Variants in ZRANB3 observed in about 807,000 individuals in gnomAD.
The protein encoded by ZRANB3 is DNA annealing helicase and endonuclease ZRANB3.
Under a neutral mutation model 133.8 loss-of-function variants are expected in ZRANB3, and 125 were observed. The observed-to-expected ratio is 0.93, with a 90% CI of 0.81 to 1.08. The LOEUF (loss-of-function observed/expected upper bound fraction) is 1.08, where lower values mean the gene tolerates loss of function less well. ZRANB3 is among the 50% of genes least tolerant of loss of function. The pLI is 0.00. For synonymous variants in ZRANB3, 387 were observed against 432.7 expected (o/e 0.89, Z 1.31); for missense variants, 1,229 against 1,275.5 (o/e 0.96, Z 0.56).
rs144505977 is a variant in ZRANB3, at chr2:135,244,608, A to AAAATAAAT, written c.1540-13689_1540-13682dup. Among the ~76,000 whole-genome samples, 1,224 of 150,978 alleles carry AAAATAAAT rather than the reference A, an allele frequency of 8.1e-3. 5 individuals are homozygous for AAAATAAAT. Among genetic ancestry groups the AAAATAAAT allele is most frequent in the African/African-American group, 0.016 (639 of 40,804 alleles). ...GGGTGACAGAGCATACTCCATCTCA[A>AAAATAAAT]AAATAAATAAATAAATAAATAAATA... On this transcript the variant is annotated intron_variant, in intron 12 of 20. Coordinates refer to ENST00000264159, the MANE Select transcript of ZRANB3 (RefSeq NM_032143.4).
chr2:135,478,386 C>G (rs1012452228), intron 2 of ZRANB3, among the ~76,000 whole-genome samples: 1 of 151,904 alleles, frequency 6.6e-6, no homozygotes, highest in Admixed American at 6.6e-5. Context: ...TTATCAGCAC[C>G]CCCCCGAAGC....
chr2:135,231,986 G>C (rs1348610319), intron 12 of ZRANB3, among the ~76,000 whole-genome samples: 6 of 152,164 alleles, frequency 3.9e-5, no homozygotes, highest in African/African-American at 1.2e-4. Context: ...GCTGAAGCAG[G>C]GCGAGGCATC....
At chr2:135,490,165 T>A (rs1215992339) in intron 2 of ZRANB3, among the ~76,000 whole-genome samples, 1 of 152,140 alleles carries the variant, frequency 6.6e-6, no homozygotes, top group Non-Finnish European at 1.5e-5. Context: ...GGAAATAAAG[T>A]GGGCCTGAGG....
chr2:135,253,183 C>T (rs1289283941), intron 12 of ZRANB3, among the ~76,000 whole-genome samples: 2 of 152,222 alleles, frequency 1.3e-5, no homozygotes, highest in Non-Finnish European at 2.9e-5. Flanking sequence ...CAAAAGTAGA[C>T]TTCCTAACTT....
At chr2:135,317,326 A>G (rs946927945) in intron 6 of ZRANB3, among the ~76,000 whole-genome samples, 1 of 152,180 alleles carries the variant, frequency 6.6e-6, no homozygotes, top group East Asian at 1.9e-4. Context: ...ACACTTAGGT[A>G]TACTTTGATC....
chr2:135,474,550 C>T (rs766276203), intron 2 of ZRANB3, among the ~76,000 whole-genome samples: 5 of 152,098 alleles, frequency 3.3e-5, no homozygotes, highest in Non-Finnish European at 7.4e-5. Flanking sequence ...CTCTCTTGCT[C>T]CCTCTCTCAC....
chr2:135,335,147 C>T (rs1012921951), intron 6 of ZRANB3, among the ~76,000 whole-genome samples: 10 of 152,026 alleles, frequency 6.6e-5, no homozygotes, highest in African/African-American at 1.9e-4. Flanking sequence ...TCTATAAATA[C>T]TTTTAATTTG....
At chr2:135,530,584 C>A (rs1277535501) in intron 1 of ZRANB3, 1 of 152,274 alleles carries the variant, frequency 6.6e-6, no homozygotes, top group Non-Finnish European at 1.5e-5. Context: ...GTGTCCGCCC[C>A]TAAGCGGAAG....
intron 2 of ZRANB3, chr2:135,504,056 G>C: frequency 4.7e-6 from 2 of 425,054 alleles, no homozygotes; most frequent in Non-Finnish European, 4.4e-6. Flanking sequence ...ATACATTCTA[G>C]AAAACTGTCA....
intron 2 of ZRANB3, among the ~76,000 whole-genome samples, chr2:135,412,644 G>A (rs1207251513): frequency 6.6e-6 from 1 of 151,948 alleles, no homozygotes; most frequent in East Asian, 1.9e-4. Context: ...GCTAATGTGT[G>A]AAATAATGGC....
intron 2 of ZRANB3, among the ~76,000 whole-genome samples, chr2:135,460,856 A>G (rs1034930237): frequency 1.2e-4 from 19 of 152,288 alleles, no homozygotes; most frequent in African/African-American, 4.6e-4. Flanking sequence ...ATAAATCATA[A>G]TACAAACTAT....
intron 17 of ZRANB3, among the ~76,000 whole-genome samples, chr2:135,217,194 T>C (rs145119137): frequency 2.2e-4 from 33 of 152,278 alleles, no homozygotes; most frequent in Admixed American, 1.2e-3. Flanking sequence ...AGGTCATAGG[T>C]TGCACCATCC....
rs555749988 is a variant in ZRANB3 at position 135,472,755 on chromosome 2, T to C, written c.161+31574A>G. On this transcript the variant is annotated intron_variant, in intron 2 of 20. Transcript: ENST00000264159. Reference sequence around the variant, plus strand: ...ATCAGCCACCTCTGTTATTGGCTTATAAGTCTTATACCTCAGACAAATTAC... The same window carrying C: ...ATCAGCCACCTCTGTTATTGGCTTACAAGTCTTATACCTCAGACAAATTAC... 1.2e-4 allele frequency among the ~76,000 whole-genome samples: 19 copies of C among 152,332 alleles called. No individual in the cohort carries two copies. The South Asian group carries it at 3.1e-3, about 25-fold the overall frequency.
intron 2 of ZRANB3, among the ~76,000 whole-genome samples, chr2:135,405,175 C>T (rs1472140436): frequency 6.6e-6 from 1 of 152,122 alleles, no homozygotes; most frequent in African/African-American, 2.4e-5. Context: ...CAATCCTAGT[C>T]TCTGATAAAG....
At chr2:135,519,628 T>C (rs1452245110) in intron 1 of ZRANB3, among the ~76,000 whole-genome samples, 2 of 152,264 alleles carry the variant, frequency 1.3e-5, no homozygotes, top group African/African-American at 2.4e-5. Context: ...ATACTGGTCC[T>C]ATAAACAGTT....
At chr2:135,410,633 T>C (rs1031391231) in intron 2 of ZRANB3, among the ~76,000 whole-genome samples, 1 of 151,592 alleles carries the variant, frequency 6.6e-6, no homozygotes, top group Non-Finnish European at 1.5e-5. Flanking sequence ...AAAATAGGTA[T>C]ATGGGACTTG....
At chr2:135,405,096 A>T (rs1687945143) in intron 2 of ZRANB3, among the ~76,000 whole-genome samples, 1 of 152,224 alleles carries the variant, frequency 6.6e-6, no homozygotes, top group Admixed American at 6.5e-5. Context: ...AGAGACACAC[A>T]TAGGCTCAAA....
chr2:135,334,923 T>C (rs1478963745), intron 6 of ZRANB3, among the ~76,000 whole-genome samples: 1 of 151,996 alleles, frequency 6.6e-6, no homozygotes. Flanking sequence ...AAAATAAAAA[T>C]AAAAATAATT....
At chr2:135,351,418 T>C (rs1036076892) in intron 4 of ZRANB3, among the ~76,000 whole-genome samples, 1 of 151,866 alleles carries the variant, frequency 6.6e-6, no homozygotes, top group East Asian at 1.9e-4. Flanking sequence ...CAGGTGCCCA[T>C]CACCACACCT....
Sources: gnomAD v4.1 joint callset for allele counts (sites outside exome capture counted in the v4.1 genomes callset) on GRCh38, gnomAD v4.1.1 for gene constraint, MANE v1.5 for transcripts, NCBI Gene and HGNC (gene_info 2026-07-23, HGNC 2026-07-21) for gene names.